The following ZNF385D variants were observed in gnomAD, a reference collection of about 807,000 sequenced individuals.
The protein encoded by ZNF385D is zinc finger protein 385D.
Under a neutral mutation model 35.8 loss-of-function variants are expected in ZNF385D, and 15 were observed. That is an observed-to-expected ratio of 0.42 (90% CI 0.28 to 0.64). ZNF385D has a LOEUF of 0.64. Ranked by LOEUF, ZNF385D falls within the 30% of genes least tolerant of loss-of-function variation. The pLI, the probability that ZNF385D is intolerant of heterozygous loss-of-function variation, is 0.23. For missense variants in ZNF385D, 474 were observed against 494.6 expected, an observed-to-expected ratio of 0.96 and a Z score of 0.39; for synonymous variants, 212 against 186.8, an observed-to-expected ratio of 1.13 and a Z score of -1.10.
intron 2 of ZNF385D, among the ~76,000 whole-genome samples, chr3:21,594,548 G>T (rs1198860523): frequency 6.6e-6 from 1 of 152,128 alleles, no homozygotes. Flanking sequence ...CCGGAAAGGT[G>T]CACAGATATT....
chr3:21,798,236 A>G (rs778133498), intron 3 of ZNF385D, among the ~76,000 whole-genome samples: 5 of 152,170 alleles, frequency 3.3e-5, no homozygotes. Context: ...CAACTCTCTC[A>G]TGACACAGGT....
chr3:21,428,493 A>G (rs542712390), intron 5 of ZNF385D, among the ~76,000 whole-genome samples: 11 of 152,026 alleles, frequency 7.2e-5, no homozygotes, highest in Non-Finnish European at 7.4e-5. Context: ...CAAATCTTTA[A>G]TTTTCTATTT....
chr3:21,788,915 C>A (rs959367471), intron 3 of ZNF385D, among the ~76,000 whole-genome samples: 1 of 152,078 alleles, frequency 6.6e-6, no homozygotes, highest in African/African-American at 2.4e-5. Context: ...ACCTGCTGGT[C>A]TGGATTAGGG....
At chr3:21,916,315 C>A (rs1219688436) in intron 3 of ZNF385D, among the ~76,000 whole-genome samples, 1 of 151,978 alleles carries the variant, frequency 6.6e-6, no homozygotes, top group Non-Finnish European at 1.5e-5. Flanking sequence ...GTATTTGAAT[C>A]TTATTTTACT....
intron 4 of ZNF385D, among the ~76,000 whole-genome samples, chr3:21,461,582 T>C (rs1205936508): frequency 6.6e-6 from 1 of 150,422 alleles, no homozygotes; most frequent in Non-Finnish European, 1.5e-5. Flanking sequence ...ACAAATCTCC[T>C]CTTTGAAATT....
chr3:21,907,953 A>C (rs1343611673), intron 3 of ZNF385D, among the ~76,000 whole-genome samples: 2 of 152,264 alleles, frequency 1.3e-5, no homozygotes. Flanking sequence ...AGGATAAGCA[A>C]ACTATAGAAA....
chr3:22,207,670 A>G (rs1343166890), intron 2 of ZNF385D, among the ~76,000 whole-genome samples: 1 of 152,004 alleles, frequency 6.6e-6, no homozygotes, highest in Non-Finnish European at 1.5e-5. Flanking sequence ...AGAACAGGAG[A>G]CAAAGGACTA....
chr3:22,160,223 G>C (rs1176151128), intron 3 of ZNF385D, among the ~76,000 whole-genome samples: 1 of 151,934 alleles, frequency 6.6e-6, no homozygotes, highest in African/African-American at 2.4e-5. Flanking sequence ...GTATGAAAAT[G>C]GACTAATACA....
intron 2 of ZNF385D, among the ~76,000 whole-genome samples, chr3:22,362,719 A>C (rs1696471101): frequency 6.6e-6 from 1 of 152,098 alleles, no homozygotes; most frequent in African/African-American, 2.4e-5. Flanking sequence ...CATATTTATA[A>C]AACTCAATGA....
chr3:21,757,865 T>C (rs753486765), intron 3 of ZNF385D, among the ~76,000 whole-genome samples: 3 of 152,230 alleles, frequency 2.0e-5, no homozygotes, highest in Non-Finnish European at 2.9e-5. Context: ...GTTCATGCTA[T>C]AACCAATGCC....
intron 1 of ZNF385D, among the ~76,000 whole-genome samples, chr3:21,668,434 C>T (rs576629562): frequency 6.6e-6 from 1 of 152,296 alleles, no homozygotes; most frequent in Admixed American, 6.5e-5. Flanking sequence ...AATCCTATAT[C>T]CCTCACGTCT....
intron 1 of ZNF385D, among the ~76,000 whole-genome samples, chr3:21,714,356 T>C (rs1026793127): frequency 6.6e-6 from 1 of 152,172 alleles, no homozygotes; most frequent in African/African-American, 2.4e-5. Flanking sequence ...CCAACACCTC[T>C]TTCCCCATCC....
chr3:22,154,909 G>A (rs997375909), intron 3 of ZNF385D, among the ~76,000 whole-genome samples: 14 of 152,098 alleles, frequency 9.2e-5, no homozygotes, highest in African/African-American at 3.4e-4. Context: ...AAAGGAGCAT[G>A]ATATTATACA....
At chr3:21,826,330 G>C (rs1694624166) in intron 3 of ZNF385D, among the ~76,000 whole-genome samples, 1 of 152,138 alleles carries the variant, frequency 6.6e-6, no homozygotes, top group Admixed American at 6.5e-5. Flanking sequence ...CGATAACTTG[G>C]GCTGCATAGA....
At chr3:21,981,160 T>C (rs545805144) in intron 3 of ZNF385D, among the ~76,000 whole-genome samples, 118 of 152,244 alleles carry the variant, frequency 7.8e-4, no homozygotes, top group African/African-American at 2.8e-3. Context: ...TCCACAATGG[T>C]TGAAGTAATT....
chr3:22,318,199 A>T (rs1477867235), intron 2 of ZNF385D, among the ~76,000 whole-genome samples: 2 of 152,180 alleles, frequency 1.3e-5, no homozygotes, highest in Non-Finnish European at 2.9e-5. Context: ...AGAATAACTG[A>T]TGTAGCTAGG....
chr3:21,803,907 G>C (rs1382550298), intron 3 of ZNF385D, among the ~76,000 whole-genome samples: 1 of 152,200 alleles, frequency 6.6e-6, no homozygotes, highest in African/African-American at 2.4e-5. Context: ...TTCAATGTCT[G>C]TGGCGCTGTC....
At chr3:21,978,013 C>T (rs1460632126) in intron 3 of ZNF385D, among the ~76,000 whole-genome samples, 6 of 152,160 alleles carry the variant, frequency 3.9e-5, no homozygotes, top group Non-Finnish European at 7.4e-5. Context: ...GAACTAGATA[C>T]ACCAGATATT....
rs990547510 is a variant in ZNF385D, at chr3:21,834,910, T to C, written c.326-169882A>G. Reference sequence around the variant, plus strand: ...TTCACCTTCCACCATGATAGTAAGTTTCCTGAAGCTTTCCCAGTCATGTAG... The same window carrying C: ...TTCACCTTCCACCATGATAGTAAGTCTCCTGAAGCTTTCCCAGTCATGTAG... On this transcript the variant is annotated intron_variant, in intron 3 of 5. Coordinates refer to the ZNF385D transcript ENST00000494108. Among the ~76,000 whole-genome samples the C allele has an allele frequency of 4.6e-5, 7 of 152,132 alleles. No homozygotes were observed. In the East Asian group the frequency reaches 9.7e-4, roughly 21 times the overall value.
Sources: allele counts gnomAD v4.1 joint callset (sites outside exome capture counted in the v4.1 genomes callset), GRCh38; gene constraint gnomAD v4.1.1; transcripts MANE v1.5; gene names NCBI Gene and HGNC (gene_info 2026-07-23, HGNC 2026-07-21).